Variants in NDUFAF2 observed in about 807,000 individuals in gnomAD.
NDUFAF2 encodes NADH:ubiquinone oxidoreductase complex assembly factor 2, also known as NADH dehydrogenase [ubiquinone] 1 alpha subcomplex assembly factor 2.
Under a neutral mutation model 22.8 loss-of-function variants are expected in NDUFAF2, and 13 were observed. That is an observed-to-expected ratio of 0.57 (90% CI 0.37 to 0.91). The LOEUF (loss-of-function observed/expected upper bound fraction) is 0.91, where lower values mean the gene tolerates loss of function less well. NDUFAF2 is among the 40% of genes least tolerant of loss of function. NDUFAF2 has a pLI of 0.01. For missense variants in NDUFAF2, 162 were observed against 195.2 expected, an observed-to-expected ratio of 0.83 and a Z score of 1.01; for synonymous variants, 53 against 64.2, an observed-to-expected ratio of 0.83 and a Z score of 0.84.
chr5:61,138,375 G>A (rs996842941), intron 3 of NDUFAF2, among the ~76,000 whole-genome samples: 2 of 152,172 alleles, frequency 1.3e-5, no homozygotes, highest in Non-Finnish European at 2.9e-5. Flanking sequence ...GTAAATGTAG[G>A]AGGTAAAGAA....
At chr5:61,136,189 A>T (rs1010012771) in intron 3 of NDUFAF2, among the ~76,000 whole-genome samples, 1 of 151,104 alleles carries the variant, frequency 6.6e-6, no homozygotes, top group African/African-American at 2.4e-5. Context: ...CACTCTGTTT[A>T]TCAAAAAAGG....
chr5:60,970,387 G>A (rs1330516490), intron 1 of NDUFAF2, among the ~76,000 whole-genome samples: 2 of 152,050 alleles, frequency 1.3e-5, no homozygotes, highest in East Asian at 3.9e-4. Flanking sequence ...TTTTGCATGT[G>A]TGTCCTCTTC....
At chr5:60,983,032 C>T (rs2112579899) in intron 1 of NDUFAF2, among the ~76,000 whole-genome samples, 1 of 151,658 alleles carries the variant, frequency 6.6e-6, no homozygotes, top group East Asian at 2.0e-4. Flanking sequence ...TAAAAGTGTT[C>T]CTATTTCTCC....
chr5:61,101,877 A>G (rs1191297542), intron 3 of NDUFAF2, among the ~76,000 whole-genome samples: 1 of 152,144 alleles, frequency 6.6e-6, no homozygotes, highest in Non-Finnish European at 1.5e-5. Flanking sequence ...GGAATGTACA[A>G]TATTGCTAAT....
chr5:61,040,286 A>ACACACGCGCGCGCGCGCGCGCGCG (rs1491193758), intron 1 of NDUFAF2, among the ~76,000 whole-genome samples: 3 of 93,074 alleles, frequency 3.2e-5, no homozygotes, highest in East Asian at 2.8e-4. Context: ...ACACACACAC[A>ACACACGCGCGCGCGCGCGCGCGCG]CGCGCGCGCG....
At chr5:60,953,418 A>G (rs2112563736) in intron 1 of NDUFAF2, among the ~76,000 whole-genome samples, 1 of 152,276 alleles carries the variant, frequency 6.6e-6, no homozygotes. Flanking sequence ...TTTCAGACAT[A>G]CTGTACCTGA....
At chr5:61,106,080 A>G (rs1370105723) in intron 3 of NDUFAF2, among the ~76,000 whole-genome samples, 1 of 151,560 alleles carries the variant, frequency 6.6e-6, no homozygotes, top group Non-Finnish European at 1.5e-5. Flanking sequence ...ATGCTAACCA[A>G]TAAATATAGA....
At chr5:60,986,837 C>T (rs574368069) in intron 1 of NDUFAF2, among the ~76,000 whole-genome samples, 9 of 150,698 alleles carry the variant, frequency 6.0e-5, no homozygotes, top group Non-Finnish European at 1.0e-4. Context: ...GAGGCTGAGG[C>T]AGGAGAATCG....
chr5:60,981,564 A>C (rs968774925), intron 1 of NDUFAF2, among the ~76,000 whole-genome samples: 4 of 152,228 alleles, frequency 2.6e-5, no homozygotes, highest in African/African-American at 9.6e-5. Context: ...TGGTGTGTAA[A>C]CTACTTATAT....
At chr5:61,077,125 A>G (rs565260533) in intron 2 of NDUFAF2, among the ~76,000 whole-genome samples, 1 of 152,368 alleles carries the variant, frequency 6.6e-6, no homozygotes, top group South Asian at 2.1e-4. Context: ...TGTATGAGCC[A>G]AGAACTTAGT....
intron 1 of NDUFAF2, among the ~76,000 whole-genome samples, chr5:61,027,375 C>T (rs993453595): frequency 6.6e-6 from 1 of 150,542 alleles, no homozygotes; most frequent in African/African-American, 2.4e-5. Context: ...CAAGAATGTG[C>T]TTATTCTTCT....
At chr5:61,002,899 T>A (rs1751315677) in intron 1 of NDUFAF2, among the ~76,000 whole-genome samples, 1 of 152,106 alleles carries the variant, frequency 6.6e-6, no homozygotes, top group South Asian at 2.1e-4. Context: ...TCTGTCTGAC[T>A]TTTTTCTCTT....
intron 1 of NDUFAF2, among the ~76,000 whole-genome samples, chr5:60,946,838 A>G (rs1750466370): frequency 6.6e-6 from 1 of 152,180 alleles, no homozygotes; most frequent in Admixed American, 6.5e-5. Flanking sequence ...GATGTGTTTT[A>G]TGGGCCTATA....
intron 1 of NDUFAF2, among the ~76,000 whole-genome samples, chr5:61,045,534 T>C (rs1158390947): frequency 6.6e-6 from 1 of 152,034 alleles, no homozygotes; most frequent in Non-Finnish European, 1.5e-5. Flanking sequence ...AGACGGGGTC[T>C]CGCTATTTTG....
intron 1 of NDUFAF2, among the ~76,000 whole-genome samples, chr5:61,028,986 C>T (rs552703939): frequency 7.2e-6 from 1 of 138,786 alleles, no homozygotes; most frequent in Admixed American, 6.8e-5. Flanking sequence ...TACTCTTTGC[C>T]GTCTTATGGA....
At chr5:60,962,471 A>G (rs1165097727) in intron 1 of NDUFAF2, among the ~76,000 whole-genome samples, 3 of 152,166 alleles carry the variant, frequency 2.0e-5, no homozygotes, top group African/African-American at 7.2e-5. Flanking sequence ...TATTATTTTC[A>G]TAGACTTCAT....
At position 61,083,009 on chromosome 5, in the gene NDUFAF2, C is replaced by T. The variant is rs115512856; in HGVS notation, c.217+9795C>T. ...GTCCCACCAACAGTGTATAAGTGTT[C>T]CCATTTCTTTGCAACTTCACCAACA... On this transcript the variant is annotated intron_variant, in intron 2 of 3. Coordinates refer to ENST00000296597, the MANE Select transcript of NDUFAF2 (RefSeq NM_174889.5). 5.8e-3 allele frequency among the ~76,000 whole-genome samples: 879 copies of T among 152,254 alleles called. 9 individuals are homozygous for T. Among genetic ancestry groups the T allele is most frequent in the African/African-American group, 0.02 (825 of 41,548 alleles).
intron 1 of NDUFAF2, 50 bp downstream of exon 1, chr5:60,945,432 A>G: frequency 6.2e-7 from 1 of 1,613,914 alleles, no homozygotes. Context: ...TTGCGAGGTC[A>G]GTAAAGGAGG....
chr5:61,079,498 T>A (rs190567022), intron 2 of NDUFAF2, among the ~76,000 whole-genome samples: 1 of 152,348 alleles, frequency 6.6e-6, no homozygotes, highest in East Asian at 1.9e-4. Flanking sequence ...TCTAATGCTC[T>A]ATGATTCATG....
Sources: allele counts gnomAD v4.1 joint callset (sites outside exome capture counted in the v4.1 genomes callset), GRCh38; gene constraint gnomAD v4.1.1; transcripts MANE v1.5; gene names NCBI Gene and HGNC (gene_info 2026-07-23, HGNC 2026-07-21).